Variants in P2RX4 observed in about 807,000 individuals in gnomAD.
The protein encoded by P2RX4 is P2X purinoceptor 4.
P2RX4 carries 37 observed loss-of-function variants against 48.0 expected under a neutral mutation model. The observed-to-expected ratio is 0.77, with a 90% CI of 0.59 to 1.01. P2RX4 has a LOEUF of 1.01. Among genes scored for constraint, P2RX4 ranks in the 50% least tolerant of loss-of-function variants. The pLI is 0.00. For missense variants in P2RX4, 501 were observed against 521.4 expected, an observed-to-expected ratio of 0.96 and a Z score of 0.38; for synonymous variants, 200 against 199.7, an observed-to-expected ratio of 1.00 and a Z score of -0.01.
intron 1 of P2RX4, chr12:121,212,894 G>C (rs962585111): frequency 2.1e-5 from 3 of 140,064 alleles, no homozygotes; most frequent in Admixed American, 1.5e-4. Context: ...TGGACCTGAA[G>C]CATTTGGGGG....
intron 2 of P2RX4, among the ~76,000 whole-genome samples, chr12:121,218,665 G>A (rs1019879467): frequency 8.5e-5 from 13 of 152,128 alleles, no homozygotes; most frequent in Admixed American, 2.6e-4. Context: ...CACAAGCCCC[G>A]CTTTTGTCCC....
intron 2 of P2RX4, among the ~76,000 whole-genome samples, chr12:121,219,944 C>G (rs1320497467): frequency 6.6e-6 from 1 of 152,082 alleles, no homozygotes; most frequent in Admixed American, 6.6e-5. Context: ...CTTTTGGGGT[C>G]TTTGCCTTTT....
At chr12:121,230,983 T>TA (rs1555238275) in intron 8 of P2RX4, among the ~76,000 whole-genome samples, 47,850 of 129,830 alleles carry the variant, frequency 0.37, 8,189 homozygotes, top group Middle Eastern at 0.4. Context: ...TATATATATA[T>TA]TTTTTTTTTT....
At chr12:121,226,246 T>C (rs968793176) in intron 5 of P2RX4, among the ~76,000 whole-genome samples, 2 of 151,976 alleles carry the variant, frequency 1.3e-5, no homozygotes, top group African/African-American at 4.8e-5. Context: ...TGCACACTGA[T>C]ATAAGAAATA....
intron 4 of P2RX4, chr12:121,222,395 C>CT: frequency 1.9e-6 from 1 of 538,546 alleles, no homozygotes; most frequent in South Asian, 2.6e-5. Context: ...GTTGTTTTTT[C>CT]TTGTTTTTTT....
At chr12:121,211,450 A>G (rs531557027) in intron 1 of P2RX4, among the ~76,000 whole-genome samples, 1 of 151,834 alleles carries the variant, frequency 6.6e-6, no homozygotes, top group East Asian at 2.0e-4. Context: ...CAGCCTCCCA[A>G]AATGCTGGGA....
chr12:121,211,291 C>G (rs866339985), intron 1 of P2RX4, among the ~76,000 whole-genome samples: 4 of 152,248 alleles, frequency 2.6e-5, no homozygotes, highest in Middle Eastern at 6.8e-3. Context: ...CAACCTCTGC[C>G]TCCCGGGTTC....
At chr12:121,212,554 G>T (rs1444115582) in intron 1 of P2RX4, among the ~76,000 whole-genome samples, 1 of 148,240 alleles carries the variant, frequency 6.7e-6, no homozygotes, top group East Asian at 2.0e-4. Context: ...TTGGGAGGCC[G>T]AGGCGGGTGG....
rs1887395213 is a variant in P2RX4 at position 121,232,004 on chromosome 12, C to CCAA, written c.885-410_885-409insCAA. 1.1e-5 allele frequency among the ~76,000 whole-genome samples: 1 copy of CCAA among 94,456 alleles called. No homozygotes were observed. The highest frequency in any genetic ancestry group is 2.0e-5 in the Non-Finnish European group (1 of 49,318). The allele number at this position is 94,456 out of a possible 152,430, so 62.0% of individuals were successfully genotyped here. A position where few individuals can be genotyped will look rare whatever the true frequency, so the allele number is the denominator to read the frequency against. ...CTGGCAACAGAGGGAGACTCCATCT[C>CCAA]AAAAAAAAAAAAAAAAAAAGTCCCT... On this transcript the variant is annotated intron_variant, in intron 8 of 11. Coordinates refer to ENST00000337233, the MANE Select transcript of P2RX4 (RefSeq NM_002560.3). This position sits in a 1 kb window ranked among gnomAD's most constrained non-coding sequence, Gnocchi z 4.3.
intron 1 of P2RX4, chr12:121,216,836 G>C: frequency 3.2e-6 from 2 of 622,044 alleles, no homozygotes; most frequent in Non-Finnish European, 5.8e-6. Context: ...AAAAAAAAGA[G>C]AAAATGCTCA....
chr12:121,217,222 A>C lies in P2RX4; in HGVS notation c.223A>C (p.Asn75His). The C allele has an allele frequency of 6.2e-7, 1 of 1,614,234 alleles. No individual in the cohort carries two copies. The highest frequency in any genetic ancestry group is 8.5e-7 in the Non-Finnish European group (1 of 1,180,038). The change falls in exon 2 of 12, where the codon AAC becomes CAC. Residue 75 changes from asparagine to histidine, a missense_variant. Physicochemically the swap from Asn to His is moderately conservative, Grantham distance 68 (BLOSUM62 1). Coordinates refer to ENST00000337233, the MANE Select transcript of P2RX4 (RefSeq NM_002560.3). ...CAAGGTCAAGGGCGTGGCTGTGACCAACACTTCTAAACTTGGATTCCGGAT... is the reference window on the plus strand; with the variant it reads ...CAAGGTCAAGGGCGTGGCTGTGACCCACACTTCTAAACTTGGATTCCGGAT... ...TTKVKGVAVT[N>H]TSKLGFRIWD...
At chr12:121,211,955 G>A (rs537628524) in intron 1 of P2RX4, among the ~76,000 whole-genome samples, 6 of 152,270 alleles carry the variant, frequency 3.9e-5, no homozygotes, top group African/African-American at 7.2e-5. Flanking sequence ...GATTACAGGC[G>A]TGAGCCACCG....
rs1566009533 is a variant in P2RX4, at chr12:121,228,680, CTG to C, written c.606-44_606-43del. On this transcript the variant is annotated intron_variant, in intron 6 of 11. Coordinates refer to ENST00000337233, the MANE Select transcript of P2RX4 (RefSeq NM_002560.3). The stretch of plus-strand genomic sequence containing the variant: ...GAAACTTCTGGCTCTTCTCTCTTCT[CTG>C]AGGTTTTCGTCGCTCTGATTTTCTG... 1.9e-6 allele frequency: 3 copies of C among 1,613,602 alleles called. No individual in the cohort carries two copies. The Admixed American group carries it at 5.0e-5, about 27-fold the overall frequency.
At chr12:121,220,056 A>G (rs143668222) in intron 2 of P2RX4, among the ~76,000 whole-genome samples, 13 of 152,322 alleles carry the variant, frequency 8.5e-5, no homozygotes, top group Non-Finnish European at 1.6e-4. Context: ...CTTTATACAT[A>G]TAAGGAGGAA....
intron 5 of P2RX4, 39 bp from the exon 6 acceptor site, chr12:121,228,494 A>G (rs1887133610): frequency 8.1e-7 from 1 of 1,240,096 alleles, no homozygotes; most frequent in Non-Finnish European, 1.2e-6. Flanking sequence ...GAGTATTTGT[A>G]TGTATTTTAT....
chr12:121,218,049 G>A (rs1355701967), intron 2 of P2RX4, among the ~76,000 whole-genome samples: 2 of 152,162 alleles, frequency 1.3e-5, no homozygotes, highest in East Asian at 3.9e-4. Flanking sequence ...GTAGAGATAA[G>A]CTGCCAACTC....
chr12:121,214,468 G>C (rs754752042), intron 1 of P2RX4: 2 of 151,772 alleles, frequency 1.3e-5, no homozygotes, highest in African/African-American at 4.8e-5. Flanking sequence ...AAAAAAGACC[G>C]AACACGCAAT....
Position 121,222,172 on chromosome 12 carries a change from A to G in P2RX4, c.427+6A>G. On this transcript the variant is annotated splice_donor_region_variant and intron_variant, in intron 4 of 11. Coordinates refer to ENST00000337233, the MANE Select transcript of P2RX4 (RefSeq NM_002560.3). Reference sequence around the variant, plus strand: ...TGCCGGCACCCACAGCAACGGTACGAGCTTGTGGCCTCCTGGGGAGGGCGG... The same window carrying G: ...TGCCGGCACCCACAGCAACGGTACGGGCTTGTGGCCTCCTGGGGAGGGCGG... 3 of 1,606,352 alleles carry G rather than the reference A, an allele frequency of 1.9e-6. No homozygotes were observed. The highest frequency in any genetic ancestry group is 2.6e-6 in the Non-Finnish European group (3 of 1,173,188).
In P2RX4 at chr12:121,217,509, C is replaced by T. The variant is rs1467315131; in HGVS notation, c.282+228C>T. On this transcript the variant is annotated intron_variant, in intron 2 of 11. Coordinates refer to ENST00000337233, the MANE Select transcript of P2RX4 (RefSeq NM_002560.3). ...GCTTGAAAGCATGGCAGGCTGAAAG[C>T]CCTGAAAGATGAGAAAACAAATGTC... is the stretch of plus-strand genomic sequence containing the variant. Among the ~76,000 whole-genome samples the T allele has an allele frequency of 2.6e-5, 4 of 152,106 alleles. No individual in the cohort carries two copies. In the East Asian group the frequency reaches 7.7e-4, roughly 29 times the overall value.
Sources: allele counts gnomAD v4.1 joint callset (sites outside exome capture counted in the v4.1 genomes callset), GRCh38; gene constraint gnomAD v4.1.1; non-coding constraint Gnocchi (gnomAD v3.1); transcripts MANE v1.5; gene names NCBI Gene and HGNC (gene_info 2026-07-23, HGNC 2026-07-21).